The following AFF3 variants were observed in gnomAD, a reference collection of about 807,000 sequenced individuals.
The protein encoded by AFF3 is ALF transcription elongation factor 3.
AFF3 carries 32 observed loss-of-function variants against 129.7 expected under a neutral mutation model. The observed-to-expected ratio is 0.25, with a 90% CI of 0.19 to 0.33. AFF3 has a LOEUF of 0.33. AFF3 is among the 10% of genes least tolerant of loss of function. The probability of loss-of-function intolerance (pLI) is 1.00; values close to 1 mark genes in which losing one functional copy is unlikely to be tolerated. For synonymous variants in AFF3, 644 were observed against 635.4 expected (o/e 1.01, Z -0.20); for missense variants, 1,373 against 1,592.0 (o/e 0.86, Z 2.34).
chr2:100,105,977 T>A, intron 2 of AFF3: 1 of 1,326,344 alleles, frequency 7.5e-7, no homozygotes, highest in Non-Finnish European at 1.0e-6. Flanking sequence ...ATGTAAACCC[T>A]GGGTGCAAGT....
chr2:100,053,491 T>C (rs1686520731), intron 4 of AFF3, among the ~76,000 whole-genome samples: 1 of 152,228 alleles, frequency 6.6e-6, no homozygotes, highest in Non-Finnish European at 1.5e-5. Context: ...ATGGGGATAA[T>C]AATGTGTAGC....
At chr2:99,624,857 AAGG>A in intron 13 of AFF3, among the ~76,000 whole-genome samples, 2 of 152,246 alleles carry the variant, frequency 1.3e-5, no homozygotes, top group South Asian at 2.1e-4. Context: ...TCCGGAGACG[AAGG>A]CGGGAGGGCA....
chr2:99,902,768 AAG>A (rs1459115250), intron 7 of AFF3, among the ~76,000 whole-genome samples: 1 of 152,214 alleles, frequency 6.6e-6, no homozygotes, highest in African/African-American at 2.4e-5. Context: ...AAAAAACAGT[AAG>A]ATGTGTGGAT....
intron 20 of AFF3, among the ~76,000 whole-genome samples, chr2:99,562,401 G>A (rs1257651584): frequency 3.3e-5 from 5 of 152,108 alleles, no homozygotes; most frequent in Non-Finnish European, 7.4e-5. Flanking sequence ...TTGTCCTCAA[G>A]TTCATTGACT....
At chr2:99,588,670 T>C (rs998819869) in intron 15 of AFF3, among the ~76,000 whole-genome samples, 1 of 152,192 alleles carries the variant, frequency 6.6e-6, no homozygotes, top group Non-Finnish European at 1.5e-5. Flanking sequence ...ACACAGCCTC[T>C]GCCACAGGGG....
intron 2 of AFF3, among the ~76,000 whole-genome samples, chr2:100,116,088 T>C (rs1316952705): frequency 1.3e-5 from 2 of 152,170 alleles, no homozygotes; most frequent in Non-Finnish European, 2.9e-5. Flanking sequence ...CAATGATGAG[T>C]GGTCTCTCCT....
At chr2:99,708,728 C>A (rs1481586977) in intron 11 of AFF3, among the ~76,000 whole-genome samples, 1 of 151,920 alleles carries the variant, frequency 6.6e-6, no homozygotes, top group African/African-American at 2.4e-5. Context: ...TTTGAAAGGG[C>A]AGATAAAAAT....
intron 13 of AFF3, among the ~76,000 whole-genome samples, chr2:99,607,531 CAA>C (rs759613262): frequency 1.3e-4 from 15 of 113,800 alleles, no homozygotes; most frequent in Non-Finnish European, 1.1e-4. Flanking sequence ...GACTCTGTCT[CAA>C]AAAAAAAAAA....
At chr2:99,575,939 G>A (rs1034382538) in intron 18 of AFF3, among the ~76,000 whole-genome samples, 3 of 152,132 alleles carry the variant, frequency 2.0e-5, no homozygotes, top group Non-Finnish European at 2.9e-5. Context: ...TGCCAGCCAC[G>A]GTGGCTCACG....
chr2:99,769,958 C>T (rs1170997905), intron 8 of AFF3, among the ~76,000 whole-genome samples: 2 of 152,122 alleles, frequency 1.3e-5, no homozygotes, highest in African/African-American at 2.4e-5. Context: ...GAAGCCAGCA[C>T]AACACTAAGT....
intron 4 of AFF3, among the ~76,000 whole-genome samples, chr2:100,010,495 G>A (rs1207143096): frequency 6.6e-6 from 1 of 152,190 alleles, no homozygotes; most frequent in East Asian, 1.9e-4. Context: ...GTTAGGGAAT[G>A]TAAAGATATC....
chr2:100,036,551 C>A (rs1684926085), intron 4 of AFF3, among the ~76,000 whole-genome samples: 1 of 150,286 alleles, frequency 6.7e-6, no homozygotes, highest in Non-Finnish European at 1.5e-5. Flanking sequence ...CAGGGGCTGG[C>A]ATTTCTTAAT....
At chr2:100,058,534 G>A (rs1384991670) in intron 4 of AFF3, among the ~76,000 whole-genome samples, 1 of 152,158 alleles carries the variant, frequency 6.6e-6, no homozygotes, top group East Asian at 1.9e-4. Context: ...CTTCTGGCCA[G>A]GGCAGCTCAT....
chr2:99,673,856 GTCTA>G (rs1687383852), intron 11 of AFF3, among the ~76,000 whole-genome samples: 1 of 152,220 alleles, frequency 6.6e-6, no homozygotes, highest in Non-Finnish European at 1.5e-5. Context: ...TGCCCCACCT[GTCTA>G]TGCATGTGGG....
At chr2:99,818,703 A>G (rs1322661833) in intron 8 of AFF3, among the ~76,000 whole-genome samples, 1 of 152,230 alleles carries the variant, frequency 6.6e-6, no homozygotes, top group Non-Finnish European at 1.5e-5. Context: ...GTTTATTTCT[A>G]TGTGAAAATA....
At chr2:99,580,234 C>T (rs930657450) in intron 17 of AFF3, among the ~76,000 whole-genome samples, 6 of 152,100 alleles carry the variant, frequency 3.9e-5, no homozygotes, top group South Asian at 2.1e-4. Flanking sequence ...TTAGAGATCT[C>T]GCATCAGGGG....
At chr2:99,893,192 G>A (rs966798762) in intron 7 of AFF3, among the ~76,000 whole-genome samples, 3 of 152,226 alleles carry the variant, frequency 2.0e-5, no homozygotes, top group Non-Finnish European at 4.4e-5. Context: ...CCCTGGTGCT[G>A]GGGCCACCTT....
At chr2:99,941,193 C>T (rs1004267329) in intron 7 of AFF3, among the ~76,000 whole-genome samples, 9 of 152,258 alleles carry the variant, frequency 5.9e-5, no homozygotes, top group East Asian at 1.9e-4. Context: ...AGGCCACAGA[C>T]GGTGACCACA....
intron 2 of AFF3, among the ~76,000 whole-genome samples, chr2:100,120,406 G>A (rs996959001): frequency 5.9e-5 from 9 of 152,126 alleles, no homozygotes; most frequent in African/African-American, 2.2e-4. Context: ...TTACTTAGTG[G>A]TCTGGTTGCC....
Sources: gnomAD v4.1 joint callset for allele counts (sites outside exome capture counted in the v4.1 genomes callset) on GRCh38, gnomAD v4.1.1 for gene constraint, MANE v1.5 for transcripts, NCBI Gene and HGNC (gene_info 2026-07-23, HGNC 2026-07-21) for gene names.